The following HEPACAM2 variants were observed in gnomAD, a reference collection of about 807,000 sequenced individuals.
HEPACAM2 encodes the protein HEPACAM family member 2, also known as mitotic kinetics regulator.
Under a neutral mutation model 49.6 loss-of-function variants are expected in HEPACAM2, and 49 were observed. That is an observed-to-expected ratio of 0.99 (90% CI 0.78 to 1.25). The LOEUF is 1.25. HEPACAM2 is among the 50% of genes most tolerant of loss of function. The probability of loss-of-function intolerance (pLI) is 0.00; values close to 1 mark genes in which losing one functional copy is unlikely to be tolerated. For missense variants in HEPACAM2, 525 were observed against 557.2 expected (o/e 0.94, Z 0.58); for synonymous variants, 197 against 202.9 (o/e 0.97, Z 0.25).
chr7:93,229,015 C>A (rs1014920569), upstream of HEPACAM2, among the ~76,000 whole-genome samples: 1 of 152,192 alleles, frequency 6.6e-6, no homozygotes, highest in Admixed American at 6.5e-5. Context: ...CTGCTGCATG[C>A]ATTTCAAACA....
intron 2 of HEPACAM2, among the ~76,000 whole-genome samples, chr7:93,218,128 C>T (rs1794356198): frequency 6.6e-6 from 1 of 151,998 alleles, no homozygotes. Context: ...ATGGCCAGAA[C>T]CGAGTGAGTG....
rs374879910 is a variant in HEPACAM2 at position 93,197,410 on chromosome 7, G to T, written c.1139-13C>A. 4 of 1,588,568 alleles carry T rather than the reference G, an allele frequency of 2.5e-6. No homozygotes were observed. In the South Asian group the frequency reaches 3.5e-5, roughly 14 times the overall value. ...TTCTGTTTTATAACTAAAATCAAGA[G>T]AGAAGAAAAATGGTAAGGTTTTTTT... On this transcript the variant is annotated splice_polypyrimidine_tract_variant and intron_variant, in intron 5 of 9. Transcript: ENST00000394468.
intron 9 of HEPACAM2, among the ~76,000 whole-genome samples, chr7:93,191,015 AT>A (rs1414648197): frequency 1.4e-4 from 22 of 152,236 alleles, no homozygotes; most frequent in Non-Finnish European, 8.8e-5. Context: ...TTTTAATTAG[AT>A]TAAATCTTAG....
chr7:93,207,103 G>A (rs1794047750), intron 4 of HEPACAM2, among the ~76,000 whole-genome samples: 1 of 152,000 alleles, frequency 6.6e-6, no homozygotes, highest in African/African-American at 2.4e-5. Flanking sequence ...GATGGCCCAA[G>A]GGCAACATAC....
At chr7:93,228,756 C>A (rs1014972954), upstream of HEPACAM2, among the ~76,000 whole-genome samples, 2 of 152,018 alleles carry the variant, frequency 1.3e-5, no homozygotes, top group African/African-American at 4.8e-5. Flanking sequence ...TCTATATCCA[C>A]GGTGATTAAA....
Position 93,215,410 on chromosome 7 carries a change from T to G in HEPACAM2, c.706A>C (p.Ile236Leu). Residue 236 changes from isoleucine (I) to leucine (L), a missense_variant, in exon 3 of 10, where the codon ATC (isoleucine) becomes CTC (leucine). Coordinates refer to ENST00000394468, the MANE Select transcript of HEPACAM2 (RefSeq NM_001039372.4). ...SEMESDIIMP[I>L]IYYGPYGLQV... is the part of the protein sequence containing the mutation. Reference sequence around the variant, plus strand: ...AAAAAAATAAACTTACAATATATGATGGGCATAATGATATCACTTTCCATT... The same window carrying G: ...AAAAAAATAAACTTACAATATATGAGGGGCATAATGATATCACTTTCCATT... 1 of 1,612,800 alleles carries G rather than the reference T, an allele frequency of 6.2e-7. No individual in the cohort carries two copies. The highest frequency in any genetic ancestry group is 1.1e-5 in the South Asian group (1 of 91,018).
chr7:93,189,057 T>G lies in HEPACAM2; in HGVS notation c.*210A>C, dbSNP rs1562817287. On this transcript the variant is annotated 3_prime_UTR_variant, in exon 10 of 10. Transcript: ENST00000394468. ...CACTGAGGAATATTTCCCCAACATGTTTTTCTGTTGCACAAGACATTGTGT... is the reference window on the plus strand; with the variant it reads ...CACTGAGGAATATTTCCCCAACATGGTTTTCTGTTGCACAAGACATTGTGT... 1 of 487,580 alleles carries G rather than the reference T, an allele frequency of 2.1e-6. No individual in the cohort carries two copies. The highest frequency in any genetic ancestry group is 2.0e-5 in the African/African-American group (1 of 50,232). The allele number at this position is 487,580 out of a possible 1,614,324, so 30.2% of individuals were successfully genotyped here.
intron 8 of HEPACAM2, among the ~76,000 whole-genome samples, chr7:93,194,811 A>G (rs1480251116): frequency 6.6e-5 from 10 of 152,110 alleles, no homozygotes; most frequent in African/African-American, 2.4e-4. Context: ...CAGAATAAGG[A>G]AGCAGAGGAA....
chr7:93,210,660 G>T (rs892681353), intron 3 of HEPACAM2, among the ~76,000 whole-genome samples: 3 of 151,696 alleles, frequency 2.0e-5, no homozygotes, highest in Non-Finnish European at 2.9e-5. Context: ...ATATTCTTAG[G>T]GAATTTACAA....
intron 1 of HEPACAM2, among the ~76,000 whole-genome samples, chr7:93,220,094 G>C (rs536773640): frequency 6.6e-6 from 1 of 152,308 alleles, no homozygotes; most frequent in South Asian, 2.1e-4. Flanking sequence ...AGCATGATAA[G>C]ATATGAGGTC....
chr7:93,203,115 C>T (rs1364348406), intron 4 of HEPACAM2, among the ~76,000 whole-genome samples: 1 of 152,064 alleles, frequency 6.6e-6, no homozygotes, highest in Admixed American at 6.6e-5. Context: ...CCTGTCAGCC[C>T]AAAACCACGG....
chr7:93,192,118 AG>A, intron 9 of HEPACAM2, 135 bp downstream of exon 9: 1 of 562,044 alleles, frequency 1.8e-6, no homozygotes, highest in Non-Finnish European at 3.1e-6. Context: ...CAGGTGGGGA[AG>A]TGTGTTCAAA....
intron 4 of HEPACAM2, among the ~76,000 whole-genome samples, chr7:93,206,027 A>G (rs1039531529): frequency 6.6e-6 from 1 of 152,116 alleles, no homozygotes; most frequent in African/African-American, 2.4e-5. Context: ...GACCTTGGTA[A>G]TAAGATCTTA....
chr7:93,195,854 A>C lies in HEPACAM2; in HGVS notation c.1249T>G (p.Phe417Val). Residue 417 changes from phenylalanine to valine, a missense_variant, in exon 8 of 10, where the codon TTT becomes GTT. Phe to Val is a conservative substitution (Grantham distance 50). Coordinates refer to ENST00000394468, the MANE Select transcript of HEPACAM2 (RefSeq NM_001039372.4). ...CTGGAAACACCAGAAACATCTGGAA[A>C]AGCAACAAATTCATATATTCCGAAG... ...DDFGIYEFVA[F>V]PDVSGVSRIP... 6.2e-7 allele frequency: 1 copy of C among 1,613,162 alleles called. No individual in the cohort carries two copies. The highest frequency in any genetic ancestry group is 8.5e-7 in the Non-Finnish European group (1 of 1,179,464).
intron 2 of HEPACAM2, 61 bp from the exon 3 acceptor site, chr7:93,215,746 A>T: frequency 6.6e-7 from 1 of 1,517,948 alleles, no homozygotes. Flanking sequence ...ATAAAACCCT[A>T]TGAGGTCTTT....
intron 3 of HEPACAM2, among the ~76,000 whole-genome samples, chr7:93,215,161 C>T (rs927076288): frequency 1.2e-4 from 19 of 152,026 alleles, no homozygotes; most frequent in African/African-American, 3.9e-4. Context: ...GACTGAATCA[C>T]GAAATACAAC....
chr7:93,202,027 A>C (rs1316030929), intron 4 of HEPACAM2, among the ~76,000 whole-genome samples: 1 of 31,538 alleles, frequency 3.2e-5, no homozygotes, highest in Non-Finnish European at 5.5e-5. Flanking sequence ...AGCAAAAAAA[A>C]AAACCAAAAA....
chr7:93,193,425 T>C (rs1793607298), intron 8 of HEPACAM2, among the ~76,000 whole-genome samples: 1 of 152,130 alleles, frequency 6.6e-6, no homozygotes, highest in Admixed American at 6.6e-5. Flanking sequence ...AGCAATCTAT[T>C]GATGATCACT....
chr7:93,215,803 A>C (rs1794295455), intron 2 of HEPACAM2, 118 bp from the exon 3 acceptor site: 1 of 970,940 alleles, frequency 1.0e-6, no homozygotes. Flanking sequence ...TACACTGTAA[A>C]TGTAGACAGC....
Sources: gnomAD v4.1 joint callset for allele counts (sites outside exome capture counted in the v4.1 genomes callset) on GRCh38, gnomAD v4.1.1 for gene constraint, MANE v1.5 for transcripts, NCBI Gene and HGNC (gene_info 2026-07-23, HGNC 2026-07-21) for gene names.